TBC1D8: variants seen among roughly 807,000 people sequenced by gnomAD.
TBC1D8 encodes TBC1 domain family member 8.
In TBC1D8, 65 loss-of-function variants were observed where a neutral mutation model predicts 118.8. That is an observed-to-expected ratio of 0.55 (90% CI 0.45 to 0.67). TBC1D8 has a LOEUF of 0.67. Ranked by LOEUF, TBC1D8 falls within the 30% of genes least tolerant of loss-of-function variation. The probability of loss-of-function intolerance (pLI) is 0.00; values close to 1 mark genes in which losing one functional copy is unlikely to be tolerated. For synonymous variants in TBC1D8, 566 were observed against 595.8 expected, an observed-to-expected ratio of 0.95 and a Z score of 0.73; for missense variants, 1,376 against 1,471.2, an observed-to-expected ratio of 0.94 and a Z score of 1.06.
In TBC1D8 at chr2:101,027,974, G is replaced by T; in HGVS notation, c.2451+74C>A. ...CATTTTTCAAAGCTGGCATTCTTAT[G>T]ACCAAAAAGGATGCGCACTCCCAGG... On this transcript the variant is annotated intron_variant, in intron 14 of 19. Coordinates refer to ENST00000409318, the MANE Select transcript of TBC1D8 (RefSeq NM_001330348.2). 4.5e-6 allele frequency: 6 copies of T among 1,342,772 alleles called. No homozygotes were observed. In the South Asian group the frequency reaches 4.8e-5, roughly 11 times the overall value. The allele number at this position is 1,342,772 out of a possible 1,614,324, so 83.2% of individuals were successfully genotyped here.
intron 17 of TBC1D8, among the ~76,000 whole-genome samples, chr2:101,013,594 C>T (rs889464708): frequency 1.1e-4 from 17 of 152,204 alleles, no homozygotes; most frequent in African/African-American, 3.1e-4. Flanking sequence ...CTTCATTGCT[C>T]CAACAGATAC....
chr2:101,149,835 C>A (rs1307426570), intron 1 of TBC1D8, among the ~76,000 whole-genome samples: 1 of 152,208 alleles, frequency 6.6e-6, no homozygotes, highest in African/African-American at 2.4e-5. Context: ...CTCAAAACAG[C>A]TCCTGGAGCA....
intron 17 of TBC1D8, chr2:101,018,049 C>T (rs546308943): frequency 2.0e-6 from 2 of 980,026 alleles, no homozygotes; most frequent in Admixed American, 2.6e-5. Flanking sequence ...TTTTCACTGA[C>T]AAATGTAATG....
chr2:101,098,931 C>A (rs1319406517), intron 1 of TBC1D8, among the ~76,000 whole-genome samples: 2 of 151,694 alleles, frequency 1.3e-5, no homozygotes, highest in Non-Finnish European at 2.9e-5. Flanking sequence ...AAATCAATAC[C>A]CTAACATCAC....
At chr2:101,118,769 C>T (rs564290103) in intron 1 of TBC1D8, among the ~76,000 whole-genome samples, 1 of 151,820 alleles carries the variant, frequency 6.6e-6, no homozygotes, top group Non-Finnish European at 1.5e-5. Context: ...CTCTGGGAGG[C>T]CAAGGCCATC....
chr2:101,068,426 A>G lies in TBC1D8; in HGVS notation c.284-8887T>C, dbSNP rs1313869506. The G allele has an allele frequency of 9.8e-6, 3 of 307,664 alleles. No individual in the cohort carries two copies. The East Asian group carries it at 2.4e-4, about 25-fold the overall frequency. 19.1% of individuals were successfully genotyped at this position (307,664 alleles called of 1,614,324 possible). The stretch of plus-strand genomic sequence containing the variant: ...ACCAGAACGTTCAGGAAAAAACTTA[A>G]CTGTATCCAGCAATTCAGATATAGC... On this transcript the variant is annotated intron_variant, in intron 2 of 19. Coordinates refer to ENST00000409318, the MANE Select transcript of TBC1D8 (RefSeq NM_001330348.2).
intron 1 of TBC1D8, among the ~76,000 whole-genome samples, chr2:101,097,500 A>G (rs1366786645): frequency 2.0e-5 from 3 of 152,080 alleles, no homozygotes; most frequent in East Asian, 1.9e-4. Flanking sequence ...GATAAGTGAC[A>G]TGAATAATAG....
At chr2:101,123,701 A>G (rs2104240021) in intron 1 of TBC1D8, among the ~76,000 whole-genome samples, 1 of 152,318 alleles carries the variant, frequency 6.6e-6, no homozygotes, top group African/African-American at 2.4e-5. Context: ...GGTCTACCTT[A>G]CAAAAAGAGA....
chr2:101,051,683 C>T (rs567072136), intron 4 of TBC1D8, among the ~76,000 whole-genome samples: 497 of 152,076 alleles, frequency 3.3e-3, no homozygotes, highest in Non-Finnish European at 5.2e-3. Context: ...GACATACATG[C>T]GGCCAACAAG....
chr2:101,010,653 GGT>G (rs1251946682), intron 19 of TBC1D8, among the ~76,000 whole-genome samples: 1 of 151,992 alleles, frequency 6.6e-6, no homozygotes, highest in Non-Finnish European at 1.5e-5. Flanking sequence ...AGGAGGCTGA[GGT>G]GGGCAGATCA....
chr2:101,075,081 C>T (rs936608390), intron 2 of TBC1D8, among the ~76,000 whole-genome samples: 5 of 152,166 alleles, frequency 3.3e-5, no homozygotes, highest in East Asian at 1.9e-4. Context: ...CCAGGAAGCA[C>T]TTGAGACAAA....
intron 3 of TBC1D8, among the ~76,000 whole-genome samples, chr2:101,054,667 CTTTTCTTTTTTTTT>C (rs1468934315): frequency 0.031 from 667 of 21,306 alleles, 17 homozygotes; most frequent in African/African-American, 0.1. Flanking sequence ...ATTTTCTTTT[CTTTTCTTTTTTTTT>C]TTTTTTTTTT....
At chr2:101,035,296 G>A (rs1179231671) in intron 9 of TBC1D8, among the ~76,000 whole-genome samples, 2 of 152,058 alleles carry the variant, frequency 1.3e-5, no homozygotes, top group South Asian at 2.1e-4. Flanking sequence ...TCCTACCCTC[G>A]GGCCCAAGCT....
chr2:101,130,268 G>A lies in TBC1D8; in HGVS notation c.127+20859C>T, dbSNP rs767327609. 2.6e-4 allele frequency among the ~76,000 whole-genome samples: 39 copies of A among 152,238 alleles called. 1 individual carries two copies. Among genetic ancestry groups the A allele is most frequent in the Non-Finnish European group, 3.4e-4 (23 of 68,042 alleles). On this transcript the variant is annotated intron_variant, in intron 1 of 19. Transcript: ENST00000409318. ...GTGAGAGCCGAGGAGGCCTGGAAGC[G>A]TCGATCGGGCCAGCTGTGCTGACAC...
At chr2:101,078,526 G>A (rs1043427104) in intron 2 of TBC1D8, among the ~76,000 whole-genome samples, 2 of 152,178 alleles carry the variant, frequency 1.3e-5, no homozygotes, top group South Asian at 2.1e-4. Flanking sequence ...CCTAAAATAC[G>A]TAGGAGAGAA....
chr2:101,035,101 G>A (rs1232640213), intron 9 of TBC1D8, among the ~76,000 whole-genome samples: 1 of 152,186 alleles, frequency 6.6e-6, no homozygotes, highest in Non-Finnish European at 1.5e-5. Flanking sequence ...AGTGAAGTAG[G>A]ACAAGAGATG....
intron 18 of TBC1D8, 191 bp from the exon 19 acceptor site, chr2:101,011,217 C>A: frequency 1.4e-6 from 1 of 689,774 alleles, no homozygotes; most frequent in Admixed American, 2.9e-5. Context: ...TCTAAGAGGA[C>A]CCGTGAAACA....
intron 2 of TBC1D8, among the ~76,000 whole-genome samples, chr2:101,072,847 C>T (rs189088591): frequency 6.6e-6 from 1 of 152,248 alleles, no homozygotes; most frequent in Admixed American, 6.5e-5. Flanking sequence ...GGGACCTATG[C>T]ACTCAGCCAT....
chr2:101,138,266 G>C (rs1003903824), intron 1 of TBC1D8, among the ~76,000 whole-genome samples: 6 of 152,112 alleles, frequency 3.9e-5, no homozygotes, highest in Non-Finnish European at 8.8e-5. Context: ...AACCACATCA[G>C]GTTCCATTTA....
Sources: allele counts gnomAD v4.1 joint callset (sites outside exome capture counted in the v4.1 genomes callset), GRCh38; gene constraint gnomAD v4.1.1; transcripts MANE v1.5; gene names NCBI Gene and HGNC (gene_info 2026-07-23, HGNC 2026-07-21).